Variants in JADE3 observed in about 807,000 individuals in gnomAD.
JADE3 encodes jade family PHD finger 3.
Under a neutral mutation model 50.1 loss-of-function variants are expected in JADE3, and 2 were observed. The ratio of observed to expected loss-of-function variants is 0.04; its 90% CI spans 0.02 to 0.13. The LOEUF (loss-of-function observed/expected upper bound fraction) is 0.13, where lower values mean the gene tolerates loss of function less well. Among genes scored for constraint, JADE3 ranks in the 10% least tolerant of loss-of-function variants. The pLI is 1.00. For missense variants in JADE3, 475 were observed against 634.4 expected (o/e 0.75, Z 2.70); for synonymous variants, 218 against 232.9 (o/e 0.94, Z 0.58).
At chrX:46,935,554 A>G (rs1354637434) in intron 1 of JADE3, among the ~76,000 whole-genome samples, 1 of 110,346 alleles carries the variant, frequency 9.1e-6, no homozygotes, top group Non-Finnish European at 1.9e-5. Context: ...TTAGATTCTC[A>G]TAGGAGCACA....
At chrX:46,994,388 T>C (rs782681596) in intron 3 of JADE3, among the ~76,000 whole-genome samples, 4 of 112,205 alleles carry the variant, frequency 3.6e-5, no homozygotes, top group Non-Finnish European at 5.6e-5. Context: ...TGAACAGTTA[T>C]CTGGTAAGTA....
intron 7 of JADE3, among the ~76,000 whole-genome samples, chrX:47,036,248 A>G (rs1375089819): frequency 9.0e-6 from 1 of 111,480 alleles, no homozygotes; most frequent in Non-Finnish European, 1.9e-5. Flanking sequence ...GCCCTTTGTC[A>G]GATGAGTAGG....
chrX:47,040,802 C>T lies in JADE3; in HGVS notation c.972+1737C>T, dbSNP rs369208769. Among the ~76,000 whole-genome samples, 594 of 110,902 alleles carry T rather than the reference C, an allele frequency of 5.4e-3. 2 individuals are homozygous for T. The highest frequency in any genetic ancestry group is 0.025 in the South Asian group (65 of 2,598). Reference sequence around the variant, plus strand: ...GCATGATAATATTTTCCAGGCTTATCGTGTAGATTTCTTGCTCTAGACCTG... The same window carrying T: ...GCATGATAATATTTTCCAGGCTTATTGTGTAGATTTCTTGCTCTAGACCTG... On this transcript the variant is annotated intron_variant, in intron 8 of 10. Coordinates refer to ENST00000614628, the MANE Select transcript of JADE3 (RefSeq NM_014735.5).
chrX:46,995,169 A>G (rs1928097349), intron 3 of JADE3, among the ~76,000 whole-genome samples: 1 of 108,482 alleles, frequency 9.2e-6, no homozygotes, highest in Non-Finnish European at 1.9e-5. Context: ...AGCTGGGTCT[A>G]CAGGCACCCG....
chrX:47,054,669 G>A, intron 9 of JADE3, 41 bp downstream of exon 9: 1 of 856,624 alleles, frequency 1.2e-6, no homozygotes, highest in South Asian at 2.5e-5. Flanking sequence ...GCCTCGGTCT[G>A]TGTAGAAATG....
At position 47,060,351 on chromosome X, in the gene JADE3, TTAAA is replaced by T. The variant is rs1335397099; in HGVS notation, c.*1276_*1279del. On this transcript the variant is annotated 3_prime_UTR_variant, in exon 11 of 11. Transcript: ENST00000614628. ...TCTCAGCTCTCTTTTCTTCTTAGCC[TTAAA>T]TTAATATTCTCTTTCTTCTAGTTTT... The T allele has an allele frequency of 1.8e-5, 2 of 111,674 alleles. No homozygotes were observed. Among genetic ancestry groups the T allele is most frequent in the Non-Finnish European group, 3.8e-5 (2 of 53,097 alleles). 9.2% of individuals were successfully genotyped at this position (111,674 alleles called of 1,213,427 possible).
intron 8 of JADE3, among the ~76,000 whole-genome samples, chrX:47,049,201 T>TC (rs1556371332): frequency 8.8e-5 from 9 of 102,230 alleles, no homozygotes; most frequent in East Asian, 3.0e-4. Flanking sequence ...TTTTTTTTTT[T>TC]CCCTGAGACT....
At position 47,054,196 on chromosome X, in the gene JADE3, C is replaced by T. The variant is rs781843340; in HGVS notation, c.1011C>T (p.Thr337=). ...GCTGCATCACTGCCTTCCACGTCAC[C>T]TGTGCCTTTGAGCACGGCCTAGAGA... ...IKSCITAFHV[T]CAFEHGLEMK... is the part of the protein sequence containing the mutation. The change falls in exon 9 of 11, where the codon ACC becomes ACT. Residue 337 remains threonine (T), a synonymous_variant. Coordinates refer to ENST00000614628, the MANE Select transcript of JADE3 (RefSeq NM_014735.5). 1 of 1,209,942 alleles carries T rather than the reference C, an allele frequency of 8.3e-7. No homozygotes were observed. Among genetic ancestry groups the T allele is most frequent in the South Asian group, 1.8e-5 (1 of 56,834 alleles).
rs781964128 is a variant in JADE3, at chrX:47,005,869, A to G, written c.284+7592A>G. Among the ~76,000 whole-genome samples the G allele has an allele frequency of 2.7e-5, 3 of 111,757 alleles. No individual in the cohort carries two copies. The Admixed American group carries it at 2.8e-4, about 11-fold the overall frequency. ...GGATGTTGACACAGGCCAAATGGTG[A>G]ACTAGGTCTTATACAACCACCTGGT... On this transcript the variant is annotated intron_variant, in intron 4 of 10. Coordinates refer to ENST00000614628, the MANE Select transcript of JADE3 (RefSeq NM_014735.5).
intron 1 of JADE3, among the ~76,000 whole-genome samples, chrX:46,917,834 C>CTCCCTCTCT (rs1556336773): frequency 9.4e-5 from 4 of 42,541 alleles, no homozygotes; most frequent in Non-Finnish European, 1.7e-4. Flanking sequence ...TCTCTCTCAT[C>CTCCCTCTCT]CTCTCTCTCT....
At chrX:46,982,333 T>C in intron 1 of JADE3, among the ~76,000 whole-genome samples, 1 of 111,706 alleles carries the variant, frequency 9.0e-6, no homozygotes, top group South Asian at 3.7e-4. Context: ...CCTATTTCTT[T>C]ATTGATAGTC....
rs781926123 is a variant in JADE3 at position 47,058,428 on chromosome X, G to A, written c.1823G>A (p.Ser608Asn). The change falls in exon 11 of 11, where the codon AGT (serine) becomes AAT (asparagine). Residue 608 changes from serine to asparagine, a missense_variant. Around this residue, in one of 6 missense-constraint regions of JADE3, gnomAD observed 243 missense variants for 238.2 expected, o/e 1.02. Coordinates refer to ENST00000614628, the MANE Select transcript of JADE3 (RefSeq NM_014735.5). Reference protein sequence around the residue: ...LESKNNRLLASLSHSRSEAKE... With the variant: ...LESKNNRLLANLSHSRSEAKE... Reference sequence around the variant, plus strand: ...AGCAAGAATAACCGTTTGCTGGCCAGTCTCAGCCATTCTAGGAGTGAAGCA... The same window carrying A: ...AGCAAGAATAACCGTTTGCTGGCCAATCTCAGCCATTCTAGGAGTGAAGCA... 51 of 1,209,567 alleles carry A rather than the reference G, an allele frequency of 4.2e-5. 1 individual carries two copies. The Admixed American group carries it at 1.0e-3, about 24-fold the overall frequency.
At chrX:46,991,153 C>T (rs898649425) in intron 3 of JADE3, among the ~76,000 whole-genome samples, 14 of 98,478 alleles carry the variant, frequency 1.4e-4, no homozygotes, top group African/African-American at 4.5e-4. Flanking sequence ...GGCGCAATCT[C>T]GGCTCACTGC....
At chrX:46,987,877 G>A (rs781802859) in intron 3 of JADE3, among the ~76,000 whole-genome samples, 13 of 111,941 alleles carry the variant, frequency 1.2e-4, no homozygotes, top group African/African-American at 3.2e-4. Context: ...AATTGTTTTC[G>A]TTTATATTTA....
At chrX:47,029,596 AC>A (rs1330395030) in intron 6 of JADE3, among the ~76,000 whole-genome samples, 1 of 112,112 alleles carries the variant, frequency 8.9e-6, no homozygotes, top group African/African-American at 3.2e-5. Context: ...GCAGATAGAA[AC>A]CAGGGCTTAA....
intron 1 of JADE3, among the ~76,000 whole-genome samples, chrX:46,969,352 G>T (rs1433352575): frequency 2.7e-5 from 3 of 111,936 alleles, no homozygotes; most frequent in Non-Finnish European, 5.6e-5. Context: ...GGAGGCGGAG[G>T]TTGCAGTGAG....
intron 1 of JADE3, among the ~76,000 whole-genome samples, chrX:46,927,729 G>A (rs1178139686): frequency 2.7e-5 from 3 of 111,704 alleles, no homozygotes; most frequent in Admixed American, 9.5e-5. Context: ...CATTGAGGTC[G>A]GAATTACAGA....
intron 7 of JADE3, among the ~76,000 whole-genome samples, chrX:47,038,670 A>AAAAG (rs1556368698): frequency 3.6e-4 from 38 of 104,845 alleles, no homozygotes; most frequent in Middle Eastern, 9.4e-3. Context: ...AAAAAAAAAA[A>AAAAG]AAGAAGAAAG....
chrX:47,028,133 T>C (rs782427869), intron 6 of JADE3, 30 bp downstream of exon 6: 2 of 1,047,735 alleles, frequency 1.9e-6, no homozygotes, highest in Non-Finnish European at 2.7e-6. Context: ...GTCATCTCCC[T>C]ACGGTCAGCC....
Sources: gnomAD v4.1 joint callset for allele counts (sites outside exome capture counted in the v4.1 genomes callset) on GRCh38, gnomAD v4.1.1 for gene constraint, gnomAD v4.1.1 regional missense constraint, MANE v1.5 for transcripts, NCBI Gene and HGNC (gene_info 2026-07-23, HGNC 2026-07-21) for gene names.